PEX5L: variants seen among roughly 807,000 people sequenced by gnomAD.
PEX5L encodes PEX5-related protein.
In PEX5L, 30 loss-of-function variants were observed where a neutral mutation model predicts 84.0. The ratio of observed to expected loss-of-function variants is 0.36; its 90% CI spans 0.27 to 0.48. The LOEUF (loss-of-function observed/expected upper bound fraction) is 0.48, where lower values mean the gene tolerates loss of function less well. Ranked by LOEUF, PEX5L falls within the 20% of genes least tolerant of loss-of-function variation. PEX5L has a pLI of 0.99. For missense variants in PEX5L, 533 were observed against 754.6 expected (o/e 0.71, Z 3.44); for synonymous variants, 270 against 283.1 (o/e 0.95, Z 0.46).
At position 179,990,418 on chromosome 3, in the gene PEX5L, T is replaced by A. The variant is rs146234371; in HGVS notation, c.22-18753A>T. Among the ~76,000 whole-genome samples the A allele has an allele frequency of 9.9e-5, 15 of 151,880 alleles. No individual in the cohort carries two copies. The East Asian group carries it at 2.9e-3, about 29-fold the overall frequency. On this transcript the variant is annotated intron_variant, in intron 1 of 14. Coordinates refer to ENST00000467460, the MANE Select transcript of PEX5L (RefSeq NM_016559.3). ...CTGATATCTTTTTTTTTTCTTTCAG[T>A]GATAGGGTCTTGCTCTGTTGCCCAG...
chr3:180,036,772 G>T lies in PEX5L; in HGVS notation c.-173C>A, dbSNP rs921439618. 2.9e-6 allele frequency: 2 copies of T among 686,094 alleles called. No individual in the cohort carries two copies. Among genetic ancestry groups the T allele is most frequent in the Non-Finnish European group, 5.3e-6 (2 of 376,868 alleles). 42.5% of individuals were successfully genotyped at this position (686,094 alleles called of 1,614,324 possible). On this transcript the variant is annotated 5_prime_UTR_variant, in exon 1 of 15. Transcript: ENST00000467460. ...GCCGGCGGCCACTCGGCAGCGCTGC[G>T]GGCTGCCGGGAACTGTTCTCCGCTC...
At chr3:179,922,185 C>T (rs574917503) in intron 2 of PEX5L, among the ~76,000 whole-genome samples, 13 of 152,302 alleles carry the variant, frequency 8.5e-5, no homozygotes, top group Admixed American at 7.8e-4. Flanking sequence ...TATTGCCAAG[C>T]ACTGTCCCAG....
chr3:179,857,844 T>C (rs557815030), intron 8 of PEX5L, among the ~76,000 whole-genome samples: 1 of 152,346 alleles, frequency 6.6e-6, no homozygotes, highest in South Asian at 2.1e-4. Flanking sequence ...TTGAACAATT[T>C]GATTGAACTC....
intron 2 of PEX5L, among the ~76,000 whole-genome samples, chr3:179,936,554 T>TG (rs1482444099): frequency 2.7e-5 from 1 of 36,636 alleles, no homozygotes. Flanking sequence ...ATGTTGATTC[T>TG]GAGTAACTTA....
chr3:180,032,868 G>A (rs1016219741), intron 1 of PEX5L, among the ~76,000 whole-genome samples: 3 of 152,090 alleles, frequency 2.0e-5, no homozygotes, highest in African/African-American at 7.2e-5. Flanking sequence ...ATTAAAAAAG[G>A]TGGTACCAGG....
At chr3:179,935,677 T>C (rs989376975) in intron 2 of PEX5L, among the ~76,000 whole-genome samples, 9 of 152,188 alleles carry the variant, frequency 5.9e-5, no homozygotes, top group African/African-American at 2.2e-4. Context: ...ATGGTTTGAG[T>C]GTCCCCACCA....
At chr3:180,015,109 G>A (rs76712530) in intron 1 of PEX5L, among the ~76,000 whole-genome samples, 2 of 152,152 alleles carry the variant, frequency 1.3e-5, no homozygotes, top group East Asian at 1.9e-4. Flanking sequence ...GGGGATTACC[G>A]GCAGAAAGGG....
intron 14 of PEX5L, chr3:179,804,130 G>T (rs575813872): frequency 6.6e-6 from 1 of 152,162 alleles, no homozygotes; most frequent in South Asian, 2.1e-4. Flanking sequence ...GAGGGATTTG[G>T]AGAGAAACAG....
intron 1 of PEX5L, among the ~76,000 whole-genome samples, chr3:179,982,955 T>C (rs888833763): frequency 5.3e-5 from 8 of 152,088 alleles, no homozygotes; most frequent in African/African-American, 1.9e-4. Flanking sequence ...TAATCATGTA[T>C]ACAAGTGTAC....
intron 2 of PEX5L, among the ~76,000 whole-genome samples, chr3:179,940,299 AAGAG>A: frequency 6.6e-6 from 1 of 151,882 alleles, no homozygotes; most frequent in Non-Finnish European, 1.5e-5. Flanking sequence ...GAGAGGTGGG[AAGAG>A]AGAGAGAAAG....
intron 4 of PEX5L, among the ~76,000 whole-genome samples, chr3:179,880,667 T>A (rs894936416): frequency 3.5e-4 from 53 of 152,216 alleles, no homozygotes; most frequent in African/African-American, 1.3e-3. Flanking sequence ...CCATAGTTGA[T>A]GAATAGGTAC....
At chr3:179,874,723 ATGGTTTTTTTTTT>A (rs1359002150) in intron 6 of PEX5L, among the ~76,000 whole-genome samples, 4 of 46,446 alleles carry the variant, frequency 8.6e-5, no homozygotes, top group Non-Finnish European at 1.9e-4. Context: ...TAAAAAAATT[ATGGTTTTTTTTTT>A]TGTTTTTTTT....
intron 1 of PEX5L, among the ~76,000 whole-genome samples, chr3:179,976,749 A>G (rs1785837474): frequency 6.6e-6 from 1 of 152,158 alleles, no homozygotes; most frequent in African/African-American, 2.4e-5. Flanking sequence ...GGAAATCTTG[A>G]ATGGAAATGG....
chr3:179,916,750 A>C (rs982746692), intron 2 of PEX5L, among the ~76,000 whole-genome samples: 1 of 152,020 alleles, frequency 6.6e-6, no homozygotes, highest in Non-Finnish European at 1.5e-5. Context: ...GCTCACTGCA[A>C]CCTCTGCCTC....
At chr3:179,907,639 A>G (rs891523019) in intron 2 of PEX5L, among the ~76,000 whole-genome samples, 4 of 152,136 alleles carry the variant, frequency 2.6e-5, no homozygotes, top group Admixed American at 2.6e-4. Context: ...AAAGATGAAA[A>G]AAACTGTATG....
At chr3:179,848,387 C>CA (rs1284470944) in intron 8 of PEX5L, among the ~76,000 whole-genome samples, 1 of 151,506 alleles carries the variant, frequency 6.6e-6, no homozygotes, top group Non-Finnish European at 1.5e-5. Flanking sequence ...TCCGTCTCTA[C>CA]AAAAAATACA....
At chr3:179,979,144 T>C (rs1019325033) in intron 1 of PEX5L, among the ~76,000 whole-genome samples, 8 of 152,168 alleles carry the variant, frequency 5.3e-5, no homozygotes, top group Non-Finnish European at 1.0e-4. Context: ...AAAATTCAAC[T>C]TGAAATTTCA....
intron 1 of PEX5L, among the ~76,000 whole-genome samples, chr3:179,992,246 T>G (rs9844416): frequency 6.6e-6 from 1 of 152,152 alleles, no homozygotes; most frequent in Non-Finnish European, 1.5e-5. Context: ...ATGCCAGGTA[T>G]ATTATTTAAT....
chr3:179,857,112 T>C (rs2108513835), intron 8 of PEX5L, among the ~76,000 whole-genome samples: 1 of 152,296 alleles, frequency 6.6e-6, no homozygotes, highest in African/African-American at 2.4e-5. Flanking sequence ...ATTTTGTAAC[T>C]GGAAAGGATC....
Sources: gnomAD v4.1 joint callset for allele counts (sites outside exome capture counted in the v4.1 genomes callset) on GRCh38, gnomAD v4.1.1 for gene constraint, MANE v1.5 for transcripts, NCBI Gene and HGNC (gene_info 2026-07-23, HGNC 2026-07-21) for gene names.